The following SPATA13 variants were observed in gnomAD, a reference collection of about 807,000 sequenced individuals.
The protein encoded by SPATA13 is spermatogenesis associated 13.
SPATA13 carries 50 observed loss-of-function variants against 104.0 expected under a neutral mutation model. That is an observed-to-expected ratio of 0.48 (90% CI 0.38 to 0.61). The LOEUF (loss-of-function observed/expected upper bound fraction) is 0.61. Among genes scored for constraint, SPATA13 ranks in the 20% least tolerant of loss-of-function variants. The probability of loss-of-function intolerance (pLI) is 0.00; values close to 1 mark genes in which losing one functional copy is unlikely to be tolerated. For missense variants in SPATA13, 1,524 were observed against 1,690.6 expected, an observed-to-expected ratio of 0.90 and a Z score of 1.73; for synonymous variants, 606 against 667.5, an observed-to-expected ratio of 0.91 and a Z score of 1.42.
chr13:24,235,284 C>G (rs1013619320), intron 2 of SPATA13, among the ~76,000 whole-genome samples: 11 of 152,194 alleles, frequency 7.2e-5, no homozygotes, highest in African/African-American at 2.7e-4. Flanking sequence ...GGACTATCAG[C>G]AATCAACTCG....
At chr13:24,130,360 G>T (rs1468807170) in intron 3 of SPATA13, among the ~76,000 whole-genome samples, 1 of 152,102 alleles carries the variant, frequency 6.6e-6, no homozygotes, top group Non-Finnish European at 1.5e-5. Context: ...GATCAAAAGG[G>T]GACTGTTTGG....
chr13:24,198,951 C>T (rs930497756), intron 1 of SPATA13, among the ~76,000 whole-genome samples: 2 of 140,390 alleles, frequency 1.4e-5, no homozygotes, highest in East Asian at 2.0e-4. Context: ...ACTATAAAAT[C>T]TTTTTTTTTT....
rs1024098528 is a variant in SPATA13, at chr13:24,205,745, A to C, written c.-111-17074A>C. 4.6e-5 allele frequency among the ~76,000 whole-genome samples: 7 copies of C among 152,196 alleles called. No individual in the cohort carries two copies. The highest frequency in any genetic ancestry group is 1.0e-4 in the Non-Finnish European group (7 of 68,038). ...TGGTACAAGAACAGACAAATAGACA[A>C]ATGGAACAGAATAGAGAACCCAGAA... On this transcript the variant is annotated intron_variant, in intron 1 of 12. Transcript: ENST00000382108. This position sits in a 1 kb window ranked among gnomAD's most constrained non-coding sequence, Gnocchi z 4.1.
chr13:24,030,359 C>T (rs1566078733), intron 3 of SPATA13, among the ~76,000 whole-genome samples: 1 of 152,114 alleles, frequency 6.6e-6, no homozygotes, highest in Non-Finnish European at 1.5e-5. Context: ...AAAACCCTAC[C>T]CATAGGAGAC....
At chr13:24,048,870 A>G (rs1415959509) in intron 3 of SPATA13, among the ~76,000 whole-genome samples, 1 of 152,198 alleles carries the variant, frequency 6.6e-6, no homozygotes, top group African/African-American at 2.4e-5. Flanking sequence ...TTTAGAGGAA[A>G]TAGCTTCAGA....
At chr13:24,006,050 C>T (rs1339803446) in intron 2 of SPATA13, among the ~76,000 whole-genome samples, 1 of 152,204 alleles carries the variant, frequency 6.6e-6, no homozygotes, top group Non-Finnish European at 1.5e-5. Flanking sequence ...CTGCAAGCAG[C>T]CGGAGGTGCC....
rs549259097 is a variant in SPATA13 at position 24,147,824 on chromosome 13, T to C, written c.-111-74995T>C. ...CTTTTCTGAGCTTGACCGCTCTAGATACCTCATATCAGTGGAATCGTACGG... is the reference window on the plus strand; with the variant it reads ...CTTTTCTGAGCTTGACCGCTCTAGACACCTCATATCAGTGGAATCGTACGG... On this transcript the variant is annotated intron_variant, in intron 3 of 14. Coordinates refer to the SPATA13 transcript ENST00000424834. Among the ~76,000 whole-genome samples, 25 of 152,340 alleles carry C rather than the reference T, an allele frequency of 1.6e-4. No homozygotes were observed. In the East Asian group the frequency reaches 4.2e-3, roughly 26 times the overall value.
intron 3 of SPATA13, among the ~76,000 whole-genome samples, chr13:24,079,709 A>G (rs1879447345): frequency 6.6e-6 from 1 of 152,108 alleles, no homozygotes; most frequent in Non-Finnish European, 1.5e-5. Flanking sequence ...CTCCCTTGGC[A>G]CAGTGCTAGT....
At chr13:24,103,504 A>AAAAGAAAAAAAAAAAAG (rs1458068316) in intron 3 of SPATA13, among the ~76,000 whole-genome samples, 1 of 115,580 alleles carries the variant, frequency 8.7e-6, no homozygotes, top group Non-Finnish European at 1.8e-5. Flanking sequence ...AAAAAAAAAC[A>AAAAGAAAAAAAAAAAAG]AGAAAGAAAA....
intron 3 of SPATA13, among the ~76,000 whole-genome samples, chr13:24,080,433 T>G (rs138588365): frequency 1.1e-3 from 168 of 152,314 alleles, no homozygotes; most frequent in Non-Finnish European, 2.0e-3. Context: ...CACCATCACA[T>G]GCATCATCAC....
chr13:23,980,457 G>A (rs1874832714), intron 1 of SPATA13, among the ~76,000 whole-genome samples: 3 of 152,232 alleles, frequency 2.0e-5, no homozygotes. Flanking sequence ...TCCACAGTCC[G>A]CTGGCAGCCT....
chr13:24,101,461 CA>C (rs1366196998), intron 3 of SPATA13, among the ~76,000 whole-genome samples: 5 of 149,808 alleles, frequency 3.3e-5, no homozygotes, highest in African/African-American at 1.2e-4. Context: ...GCTGTGTATT[CA>C]ATTTAACTAT....
At chr13:24,102,455 T>C (rs1880286116) in intron 3 of SPATA13, among the ~76,000 whole-genome samples, 1 of 149,950 alleles carries the variant, frequency 6.7e-6, no homozygotes, top group African/African-American at 2.4e-5. Flanking sequence ...GTTGGTTTTT[T>C]CATTTGCTTC....
At chr13:24,171,910 T>C (rs1882985678) in intron 1 of SPATA13, among the ~76,000 whole-genome samples, 1 of 152,314 alleles carries the variant, frequency 6.6e-6, no homozygotes, top group Admixed American at 6.5e-5. Context: ...TACCTCAAAA[T>C]TCTTATTTAT....
intron 1 of SPATA13, among the ~76,000 whole-genome samples, chr13:24,182,492 G>C (rs917515370): frequency 1.2e-4 from 10 of 84,512 alleles, no homozygotes; most frequent in Non-Finnish European, 3.1e-4. Context: ...GTGAGAGAGA[G>C]ACAGAGAGAG....
At chr13:24,233,594 C>T (rs151101993) in intron 2 of SPATA13, among the ~76,000 whole-genome samples, 74 of 152,098 alleles carry the variant, frequency 4.9e-4, no homozygotes, top group African/African-American at 1.6e-3. Context: ...TAGCTTTTTA[C>T]TTTAACAATG....
chr13:24,049,965 C>A (rs111805005), intron 3 of SPATA13, among the ~76,000 whole-genome samples: 8,047 of 152,240 alleles, frequency 0.053, 223 homozygotes, highest in Middle Eastern at 0.12. Context: ...CTCTGCCTCC[C>A]CGGTTCAAGC....
intron 3 of SPATA13, among the ~76,000 whole-genome samples, chr13:24,134,289 C>A (rs946574887): frequency 3.9e-5 from 6 of 152,144 alleles, no homozygotes; most frequent in African/African-American, 1.4e-4. Context: ...TTTCCAAGTA[C>A]CCTAAAACCA....
chr13:24,206,092 C>T (rs1870683412), intron 1 of SPATA13, among the ~76,000 whole-genome samples: 2 of 152,268 alleles, frequency 1.3e-5, no homozygotes, highest in Middle Eastern at 6.8e-3. Context: ...TCTAATTACA[C>T]TAAAGAGCTC....
Sources: allele counts gnomAD v4.1 joint callset (sites outside exome capture counted in the v4.1 genomes callset), GRCh38; gene constraint gnomAD v4.1.1; non-coding constraint Gnocchi (gnomAD v3.1); transcripts MANE v1.5; gene names NCBI Gene and HGNC (gene_info 2026-07-23, HGNC 2026-07-21).